Variants in TMEM161B observed in about 807,000 individuals in gnomAD.
TMEM161B encodes transmembrane protein 161B.
In TMEM161B, 34 loss-of-function variants were observed where a neutral mutation model predicts 61.8. That is an observed-to-expected ratio of 0.55 (90% confidence interval 0.42 to 0.73). The LOEUF is 0.73. TMEM161B is among the 30% of genes least tolerant of loss of function. The pLI, the probability that TMEM161B is intolerant of heterozygous loss-of-function variation, is 0.00. For synonymous variants in TMEM161B, 167 were observed against 192.8 expected, an observed-to-expected ratio of 0.87 and a Z score of 1.11; for missense variants, 456 against 558.5, an observed-to-expected ratio of 0.82 and a Z score of 1.85.
rs1305245408 is a variant in TMEM161B, at chr5:88,266,477, G to A, written c.3+2244C>T. ...GAAACATGTAACTATCCTCAAAAAT[G>A]TTGAGTAGTCATGGAATCATAAATT... On this transcript the variant is annotated intron_variant, in intron 1 of 11. Coordinates refer to ENST00000296595, the MANE Select transcript of TMEM161B (RefSeq NM_153354.5). 7.2e-5 allele frequency among the ~76,000 whole-genome samples: 11 copies of A among 152,060 alleles called. No homozygotes were observed. In the East Asian group the frequency reaches 2.1e-3, roughly 29 times the overall value.
At chr5:88,223,163 G>T in intron 4 of TMEM161B, among the ~76,000 whole-genome samples, 1 of 146,924 alleles carries the variant, frequency 6.8e-6, no homozygotes, top group Non-Finnish European at 1.5e-5. Context: ...AAATAGCCTA[G>T]TTCTCACTAA....
At chr5:88,257,554 G>C (rs1371854561) in intron 1 of TMEM161B, among the ~76,000 whole-genome samples, 5 of 151,966 alleles carry the variant, frequency 3.3e-5, no homozygotes, top group Non-Finnish European at 1.5e-5. Flanking sequence ...GCTCTCCCTG[G>C]GATTCTTTCC....
At chr5:88,265,072 G>A (rs139809304) in intron 1 of TMEM161B, among the ~76,000 whole-genome samples, 103 of 152,062 alleles carry the variant, frequency 6.8e-4, no homozygotes, top group African/African-American at 2.3e-3. Flanking sequence ...TGTATGTTCC[G>A]TACATGTATC....
At chr5:88,255,582 AG>A (rs1308384078) in intron 1 of TMEM161B, among the ~76,000 whole-genome samples, 1 of 152,224 alleles carries the variant, frequency 6.6e-6, no homozygotes, top group Non-Finnish European at 1.5e-5. Context: ...TATTACAAAT[AG>A]AATTATAAAA....
intron 4 of TMEM161B, among the ~76,000 whole-genome samples, chr5:88,223,770 T>A (rs1345427644): frequency 6.6e-6 from 1 of 152,010 alleles, no homozygotes; most frequent in Non-Finnish European, 1.5e-5. Context: ...GCGCCTGTAG[T>A]CCTAGCTACT....
At chr5:88,224,778 C>A (rs185065) in intron 4 of TMEM161B, among the ~76,000 whole-genome samples, 1 of 151,794 alleles carries the variant, frequency 6.6e-6, no homozygotes, top group Non-Finnish European at 1.5e-5. Context: ...CCTCTTCTTC[C>A]TTCTCCTCCT....
chr5:88,233,296 A>G lies in TMEM161B; in HGVS notation c.108-4768T>C, dbSNP rs187843738. Among the ~76,000 whole-genome samples the G allele has an allele frequency of 4.5e-4, 68 of 152,364 alleles. 1 individual carries two copies. Among genetic ancestry groups the G allele is most frequent in the African/African-American group, 1.5e-3 (62 of 41,596 alleles). On this transcript the variant is annotated intron_variant, in intron 2 of 11. Coordinates refer to ENST00000296595, the MANE Select transcript of TMEM161B (RefSeq NM_153354.5). ...GTGAAAATGTGAGAGACAGCCTTAGATATTAGGTGAGGAAAAACTTCTCTG... is the reference window on the plus strand; with the variant it reads ...GTGAAAATGTGAGAGACAGCCTTAGGTATTAGGTGAGGAAAAACTTCTCTG...
rs1756789464 is a variant in TMEM161B at position 88,268,837 on chromosome 5, T to C, written c.-114A>G. ...TCTCAAACAGCGAAAGAGAGGGTCT[T>C]CCGGCTCTGCCGGAAGTTGTGCGCG... On this transcript the variant is annotated 5_prime_UTR_variant, in exon 1 of 12. Transcript: ENST00000296595. The C allele has an allele frequency of 1.9e-6, 3 of 1,566,012 alleles. No individual in the cohort carries two copies. In the Admixed American group the frequency reaches 5.5e-5, roughly 29 times the overall value.
In TMEM161B at chr5:88,220,652, T is replaced by C. The variant is rs763106087; in HGVS notation, c.357A>G (p.Leu119=). ...DFTVAATVVY[L]VTEVYYNFMK... ...TAAAATTGTAGTAGACTTCAGTTACTAGATACACAACTGTAGCAGCCACTG... is the reference window on the plus strand; with the variant it reads ...TAAAATTGTAGTAGACTTCAGTTACCAGATACACAACTGTAGCAGCCACTG... Residue 119 remains leucine, a synonymous_variant, in exon 5 of 12, where the codon CTA becomes CTG. Coordinates refer to ENST00000296595, the MANE Select transcript of TMEM161B (RefSeq NM_153354.5). 34 of 1,588,118 alleles carry C rather than the reference T, an allele frequency of 2.1e-5. No individual in the cohort carries two copies. The highest frequency in any genetic ancestry group is 2.8e-5 in the Non-Finnish European group (33 of 1,174,642).
At chr5:88,198,050 G>C (rs1750004537) in intron 10 of TMEM161B, 1 of 216,740 alleles carries the variant, frequency 4.6e-6, no homozygotes, top group South Asian at 1.5e-4. Context: ...AGATTCAAAT[G>C]GTATATATTT....
chr5:88,194,641 T>A (rs1749332814), downstream of TMEM161B, among the ~76,000 whole-genome samples: 1 of 152,084 alleles, frequency 6.6e-6, no homozygotes. Context: ...TTTTAAAACA[T>A]GGCTATTTCC....
chr5:88,205,655 T>G, intron 8 of TMEM161B, 159 bp downstream of exon 8: 4 of 756,350 alleles, frequency 5.3e-6, no homozygotes, highest in Non-Finnish European at 8.0e-6. Context: ...TAGAAGCAAA[T>G]AAAAGAAACT....
At chr5:88,264,050 C>T (rs1488133469) in intron 1 of TMEM161B, among the ~76,000 whole-genome samples, 1 of 152,084 alleles carries the variant, frequency 6.6e-6, no homozygotes, top group Non-Finnish European at 1.5e-5. Context: ...AAAGGACCTC[C>T]AGTATCTCCA....
chr5:88,222,253 C>T (rs1749137185), intron 4 of TMEM161B, among the ~76,000 whole-genome samples: 3 of 151,952 alleles, frequency 2.0e-5, no homozygotes, highest in Admixed American at 2.0e-4. Flanking sequence ...ATTTTTTGTA[C>T]AGACGTGGTT....
intron 3 of TMEM161B, among the ~76,000 whole-genome samples, chr5:88,227,701 A>T (rs1750289760): frequency 6.6e-6 from 1 of 152,182 alleles, no homozygotes. Context: ...TATACATGAG[A>T]AATATGGTTA....
chr5:88,201,370 T>C (rs1291408657), intron 9 of TMEM161B: 1 of 152,080 alleles, frequency 6.6e-6, no homozygotes, highest in Admixed American at 6.6e-5. Context: ...TTGGTATAAC[T>C]ACCAAGTGTT....
At chr5:88,222,166 T>A (rs1749122288) in intron 4 of TMEM161B, among the ~76,000 whole-genome samples, 1 of 152,206 alleles carries the variant, frequency 6.6e-6, no homozygotes, top group African/African-American at 2.4e-5. Flanking sequence ...CTTCTCGGGC[T>A]CAAACAATCT....
chr5:88,220,741 A>AAAAAAAAAAAAC, intron 4 of TMEM161B, 22 bp from the exon 5 acceptor site: 1 of 1,519,422 alleles, frequency 6.6e-7, no homozygotes. Flanking sequence ...AAAAAAAAAA[A>AAAAAAAAAAAAC]AAAAAAAAAA....
In TMEM161B at chr5:88,220,727, G is replaced by GA. The variant is rs764112016; in HGVS notation, c.290-9dup. On this transcript the variant is annotated splice_polypyrimidine_tract_variant and intron_variant, in intron 4 of 11. Transcript: ENST00000296595. ...CTGGAAAGTAATGCAATGCTGGAAA[G>GA]AAAAAAAAAAAAAAAAAAAAAAAAG... is the stretch of plus-strand genomic sequence containing the variant. 111,617 of 595,914 alleles carry GA rather than the reference G, an allele frequency of 0.19. 2,831 individuals are homozygous for GA. Among genetic ancestry groups the GA allele is most frequent in the African/African-American group, 0.38 (10,289 of 27,044 alleles). 36.9% of individuals were successfully genotyped at this position (595,914 alleles called of 1,614,324 possible). A position where few individuals can be genotyped will look rare whatever the true frequency, so the allele number is the denominator to read the frequency against.
Sources: gnomAD v4.1 joint callset for allele counts (sites outside exome capture counted in the v4.1 genomes callset) on GRCh38, gnomAD v4.1.1 for gene constraint, MANE v1.5 for transcripts, NCBI Gene and HGNC (gene_info 2026-07-23, HGNC 2026-07-21) for gene names.